C8orf34: variants seen among roughly 807,000 people sequenced by gnomAD.
C8orf34 encodes the protein chromosome 8 open reading frame 34.
In C8orf34, 65 loss-of-function variants were observed where a neutral mutation model predicts 68.3. That is an observed-to-expected ratio of 0.95 (90% CI 0.78 to 1.17). C8orf34 has a LOEUF of 1.17. Among genes scored for constraint, C8orf34 ranks in the 50% most tolerant of loss-of-function variants. The pLI, the probability that C8orf34 is intolerant of heterozygous loss-of-function variation, is 0.00. For missense variants in C8orf34, 664 were observed against 655.4 expected, an observed-to-expected ratio of 1.01 and a Z score of -0.14; for synonymous variants, 244 against 241.2, an observed-to-expected ratio of 1.01 and a Z score of -0.11.
chr8:68,430,856 C>T (rs1263876750), intron 1 of C8orf34, among the ~76,000 whole-genome samples: 1 of 152,076 alleles, frequency 6.6e-6, no homozygotes, highest in Non-Finnish European at 1.5e-5. Context: ...ACCAAACAGG[C>T]AACCCCTCTT....
chr8:68,430,626 G>T (rs1309675902), intron 1 of C8orf34, among the ~76,000 whole-genome samples: 1 of 152,106 alleles, frequency 6.6e-6, no homozygotes, highest in African/African-American at 2.4e-5. Context: ...AGTTTTTGAT[G>T]CTGGATGCAA....
intron 6 of C8orf34, 111 bp downstream of exon 6, chr8:68,522,082 A>G: frequency 1.0e-6 from 1 of 969,406 alleles, no homozygotes; most frequent in Non-Finnish European, 1.5e-6. Context: ...TTTTTTATAG[A>G]AAATTATGTT....
At chr8:68,603,173 C>T (rs1334524641) in intron 7 of C8orf34, among the ~76,000 whole-genome samples, 1 of 151,988 alleles carries the variant, frequency 6.6e-6, no homozygotes, top group African/African-American at 2.4e-5. Flanking sequence ...GAAGAAGCAC[C>T]TGGGAGGAAG....
chr8:68,544,055 A>C (rs1461552696), intron 7 of C8orf34, among the ~76,000 whole-genome samples: 1 of 152,172 alleles, frequency 6.6e-6, no homozygotes, highest in Non-Finnish European at 1.5e-5. Flanking sequence ...AAGGAGCAAG[A>C]GACTGGCATT....
At chr8:68,449,991 C>T (rs548973691) in intron 3 of C8orf34, among the ~76,000 whole-genome samples, 3 of 152,256 alleles carry the variant, frequency 2.0e-5, no homozygotes, top group African/African-American at 7.2e-5. Flanking sequence ...CTCTTAAACC[C>T]TGTCACTGCT....
intron 6 of C8orf34, chr8:68,525,448 T>A: frequency 1.9e-6 from 1 of 518,606 alleles, no homozygotes; most frequent in South Asian, 2.7e-5. Context: ...TTAGTACAAG[T>A]TCAATCCAAA....
intron 10 of C8orf34, among the ~76,000 whole-genome samples, chr8:68,745,452 G>C (rs1822457126): frequency 6.6e-6 from 1 of 152,062 alleles, no homozygotes; most frequent in Non-Finnish European, 1.5e-5. Context: ...ATTGGATAAA[G>C]AGTCAAGACC....
chr8:68,707,868 G>C (rs1821215819), intron 8 of C8orf34, among the ~76,000 whole-genome samples: 1 of 152,030 alleles, frequency 6.6e-6, no homozygotes, highest in Admixed American at 6.6e-5. Context: ...ATATGATTTT[G>C]ATAGAATGGT....
intron 8 of C8orf34, among the ~76,000 whole-genome samples, chr8:68,672,760 G>A (rs1001188928): frequency 6.6e-6 from 1 of 152,180 alleles, no homozygotes; most frequent in East Asian, 1.9e-4. Context: ...GACTTGGGGG[G>A]CATGCAATCT....
intron 8 of C8orf34, among the ~76,000 whole-genome samples, chr8:68,672,323 A>C (rs1228151418): frequency 6.6e-6 from 1 of 152,234 alleles, no homozygotes; most frequent in Non-Finnish European, 1.5e-5. Flanking sequence ...GAGCAATCAC[A>C]GTACCTGGTT....
intron 9 of C8orf34, among the ~76,000 whole-genome samples, chr8:68,709,809 G>A (rs190693174): frequency 3.3e-5 from 5 of 152,146 alleles, no homozygotes; most frequent in African/African-American, 1.2e-4. Context: ...CAATATCAGA[G>A]CAATTCAAAA....
chr8:68,678,621 C>T (rs1167224013), intron 8 of C8orf34, among the ~76,000 whole-genome samples: 2 of 152,110 alleles, frequency 1.3e-5, no homozygotes, highest in East Asian at 1.9e-4. Context: ...ATTTGACAGA[C>T]CCACAGCTAG....
At chr8:68,782,909 A>T (rs1239037932) in intron 11 of C8orf34, among the ~76,000 whole-genome samples, 1 of 151,816 alleles carries the variant, frequency 6.6e-6, no homozygotes, top group African/African-American at 2.4e-5. Flanking sequence ...GTTAAAGAAA[A>T]AAAAAAGAAA....
At chr8:68,522,337 G>A (rs1268521876) in intron 6 of C8orf34, among the ~76,000 whole-genome samples, 2 of 152,144 alleles carry the variant, frequency 1.3e-5, no homozygotes, top group African/African-American at 2.4e-5. Flanking sequence ...GAAAGATATT[G>A]TTAATCATCA....
Position 68,420,337 on chromosome 8 carries a change from A to G in C8orf34, c.328-19162A>G, listed in dbSNP as rs530497076. On this transcript the variant is annotated intron_variant, in intron 1 of 13. Coordinates refer to ENST00000518698, the MANE Select transcript of C8orf34 (RefSeq NM_052958.4). ...GTACATTAATTCTCACAAAAGCTAC[A>G]TTCTATATTTGGGTCATCTGGAATT... 3.7e-3 allele frequency among the ~76,000 whole-genome samples: 563 copies of G among 152,236 alleles called. 2 individuals are homozygous for G. The highest frequency in any genetic ancestry group is 0.013 in the African/African-American group (524 of 41,542).
At chr8:68,618,696 C>T (rs1372242544) in intron 7 of C8orf34, among the ~76,000 whole-genome samples, 1 of 152,048 alleles carries the variant, frequency 6.6e-6, no homozygotes, top group African/African-American at 2.4e-5. Flanking sequence ...TTTTACAAAT[C>T]AAAATAATGT....
intron 1 of C8orf34, among the ~76,000 whole-genome samples, chr8:68,348,719 T>A (rs1806385032): frequency 6.6e-6 from 1 of 151,992 alleles, no homozygotes; most frequent in Non-Finnish European, 1.5e-5. Context: ...TATTGTTTTT[T>A]TTGTGGCAAT....
Position 68,789,024 on chromosome 8 carries a change from A to G in C8orf34, c.1549+1488A>G, listed in dbSNP as rs140793104. On this transcript the variant is annotated intron_variant, in intron 12 of 13. Coordinates refer to ENST00000518698, the MANE Select transcript of C8orf34 (RefSeq NM_052958.4). ...ACAGAGAAAATAATCCCCAAATGTG[A>G]AAGTATTAATAGTGCTCCAAAAGTT... Among the ~76,000 whole-genome samples, 1,286 of 152,294 alleles carry G rather than the reference A, an allele frequency of 8.4e-3. 14 individuals carry two copies. The highest frequency in any genetic ancestry group is 0.029 in the African/African-American group (1,186 of 41,552).
intron 7 of C8orf34, among the ~76,000 whole-genome samples, chr8:68,537,779 A>G (rs140970243): frequency 6.6e-6 from 1 of 151,990 alleles, no homozygotes; most frequent in East Asian, 1.9e-4. Flanking sequence ...TGTTTTTCAT[A>G]CCCTTCATTC....
Sources: gnomAD v4.1 joint callset for allele counts (sites outside exome capture counted in the v4.1 genomes callset) on GRCh38, gnomAD v4.1.1 for gene constraint, MANE v1.5 for transcripts, NCBI Gene and HGNC (gene_info 2026-07-23, HGNC 2026-07-21) for gene names.